TMEM163: variants seen among roughly 807,000 people sequenced by gnomAD.
The protein encoded by TMEM163 is transmembrane protein 163.
Under a neutral mutation model 29.3 loss-of-function variants are expected in TMEM163, and 17 were observed. That is an observed-to-expected ratio of 0.58 (90% CI 0.40 to 0.87). The LOEUF (loss-of-function observed/expected upper bound fraction) is 0.87, where lower values mean the gene tolerates loss of function less well. Ranked by LOEUF, TMEM163 falls within the 40% of genes least tolerant of loss-of-function variation. The pLI, the probability that TMEM163 is intolerant of heterozygous loss-of-function variation, is 0.00. For synonymous variants in TMEM163, 157 were observed against 160.6 expected (o/e 0.98, Z 0.17); for missense variants, 303 against 381.5 (o/e 0.79, Z 1.71).
rs558398002 is a variant in TMEM163, at chr2:134,517,765, T to C, written c.459-14768A>G. Reference sequence around the variant, plus strand: ...ATGGAGCAATGGGAATTCTGGCTTATTAAAGATTTTTATTTTAAATCAATA... The same window carrying C: ...ATGGAGCAATGGGAATTCTGGCTTACTAAAGATTTTTATTTTAAATCAATA... On this transcript the variant is annotated intron_variant, in intron 4 of 7. Coordinates refer to ENST00000281924, the MANE Select transcript of TMEM163 (RefSeq NM_030923.5). 4.0e-4 allele frequency among the ~76,000 whole-genome samples: 61 copies of C among 152,324 alleles called. 2 individuals are homozygous for C. In the South Asian group the frequency reaches 0.01, roughly 25 times the overall value.
chr2:134,716,095 G>A (rs1160882078), intron 1 of TMEM163, among the ~76,000 whole-genome samples: 1 of 152,188 alleles, frequency 6.6e-6, no homozygotes, highest in African/African-American at 2.4e-5. Context: ...GGGAAATTTT[G>A]TTAGATGGGG....
intron 1 of TMEM163, 37 bp downstream of exon 1, chr2:134,718,696 AC>A (rs1247322387): frequency 8.9e-7 from 1 of 1,127,468 alleles, no homozygotes; most frequent in Non-Finnish European, 1.1e-6. Flanking sequence ...CCGAGCAGCC[AC>A]CCCGGTCGCC....
At chr2:134,496,025 C>G (rs541143735) in intron 5 of TMEM163, among the ~76,000 whole-genome samples, 2 of 151,856 alleles carry the variant, frequency 1.3e-5, no homozygotes, top group African/African-American at 4.8e-5. Flanking sequence ...AGATCTATAA[C>G]GAAATTTGTT....
intron 2 of TMEM163, among the ~76,000 whole-genome samples, chr2:134,640,782 A>G (rs748232501): frequency 1.3e-5 from 2 of 152,160 alleles, no homozygotes; most frequent in Non-Finnish European, 2.9e-5. Flanking sequence ...TTTACCTACC[A>G]TGCACCTTCA....
chr2:134,638,784 G>A (rs901689536), intron 2 of TMEM163, among the ~76,000 whole-genome samples: 11 of 152,184 alleles, frequency 7.2e-5, no homozygotes, highest in Non-Finnish European at 1.2e-4. Flanking sequence ...AGGAGGACAC[G>A]GGTGCCAAAA....
intron 5 of TMEM163, among the ~76,000 whole-genome samples, chr2:134,478,804 A>G (rs557293374): frequency 6.6e-5 from 10 of 152,308 alleles, no homozygotes; most frequent in East Asian, 1.9e-4. Flanking sequence ...GAAAATGGGG[A>G]AAAAGGCCTT....
rs77163431 is a variant in TMEM163, at chr2:134,525,148, A to G, written c.459-22151T>C. Among the ~76,000 whole-genome samples, 590 of 152,286 alleles carry G rather than the reference A, an allele frequency of 3.9e-3. 7 individuals carry two copies. Among genetic ancestry groups the G allele is most frequent in the African/African-American group, 0.013 (556 of 41,552 alleles). ...CCCCAGGTGATTCCTGTGTGTAGTG[A>G]ACTATAAGAATCACCGTCTTCAAAA... On this transcript the variant is annotated intron_variant, in intron 4 of 7. Transcript: ENST00000281924.
intron 2 of TMEM163, among the ~76,000 whole-genome samples, chr2:134,616,940 A>G (rs2104822069): frequency 6.6e-6 from 1 of 152,376 alleles, no homozygotes; most frequent in Admixed American, 6.5e-5. Flanking sequence ...TACAAGAAAT[A>G]CCAAGGGAAG....
chr2:134,456,428 C>T lies in TMEM163; in HGVS notation c.*288G>A, dbSNP rs926421523. ...CCGAAGACCTTTCTGCCAAAGATCT[C>T]ATCCTACCCATGAGAACCATCATAC... On this transcript the variant is annotated 3_prime_UTR_variant, in exon 8 of 8. Coordinates refer to ENST00000281924, the MANE Select transcript of TMEM163 (RefSeq NM_030923.5). 1 of 438,456 alleles carries T rather than the reference C, an allele frequency of 2.3e-6. No homozygotes were observed. The highest frequency in any genetic ancestry group is 4.2e-6 in the Non-Finnish European group (1 of 236,940). The allele number at this position is 438,456 out of a possible 1,614,324, so 27.2% of individuals were successfully genotyped here.
At position 134,457,933 on chromosome 2, in the gene TMEM163, A is replaced by G. The variant is rs990563441; in HGVS notation, c.809+99T>C. ...CTCAGGAGGGGCACAGGTACAAAAT[A>G]TGACCTTCAGAAGCCTGTCATTTCC... On this transcript the variant is annotated intron_variant, in intron 7 of 7. Coordinates refer to ENST00000281924, the MANE Select transcript of TMEM163 (RefSeq NM_030923.5). 7 of 1,568,032 alleles carry G rather than the reference A, an allele frequency of 4.5e-6. No homozygotes were observed. The African/African-American group carries it at 5.4e-5, about 12-fold the overall frequency.
intron 4 of TMEM163, among the ~76,000 whole-genome samples, chr2:134,530,202 T>G (rs754431730): frequency 6.6e-5 from 10 of 152,178 alleles, no homozygotes; most frequent in Admixed American, 6.5e-5. Context: ...CATCTTTCAC[T>G]GTGGATGCCC....
intron 2 of TMEM163, among the ~76,000 whole-genome samples, chr2:134,692,000 T>A (rs1403437283): frequency 6.6e-6 from 1 of 152,152 alleles, no homozygotes; most frequent in East Asian, 1.9e-4. Context: ...GTGATGACCC[T>A]GAGTTATCCA....
At chr2:134,691,769 T>G (rs1167469021) in intron 2 of TMEM163, among the ~76,000 whole-genome samples, 1 of 152,194 alleles carries the variant, frequency 6.6e-6, no homozygotes, top group African/African-American at 2.4e-5. Flanking sequence ...CCAACTCCAA[T>G]GAACAGTCTC....
chr2:134,636,709 T>A (rs910319063), intron 2 of TMEM163, among the ~76,000 whole-genome samples: 3 of 152,254 alleles, frequency 2.0e-5, no homozygotes, highest in Non-Finnish European at 2.9e-5. Context: ...TTAGGAGTCA[T>A]GCAGCTGGAG....
At chr2:134,700,941 A>ATAAATAC (rs1553495683) in intron 2 of TMEM163, among the ~76,000 whole-genome samples, 2,482 of 146,398 alleles carry the variant, frequency 0.017, 112 homozygotes, top group East Asian at 0.15. Flanking sequence ...TAAATAAATA[A>ATAAATAC]ATAAATAAAG....
Position 134,598,852 on chromosome 2 carries a change from G to T in TMEM163, c.323-46761C>A, listed in dbSNP as rs183664409. 7.3e-4 allele frequency among the ~76,000 whole-genome samples: 111 copies of T among 151,710 alleles called. 1 individual carries two copies. Among genetic ancestry groups the T allele is most frequent in the Admixed American group, 2.3e-3 (35 of 15,240 alleles). The stretch of plus-strand genomic sequence containing the variant: ...GCATAATTGCTTGAACCTGGGAGGT[G>T]GGGGGTTGCAGTGAGCCTAGATAGT... On this transcript the variant is annotated intron_variant, in intron 2 of 7. Transcript: ENST00000281924.
At chr2:134,652,100 A>C (rs1683493511) in intron 2 of TMEM163, among the ~76,000 whole-genome samples, 1 of 140,334 alleles carries the variant, frequency 7.1e-6, no homozygotes, top group South Asian at 2.3e-4. Context: ...TGGTAGCTTT[A>C]TGGGAATGGC....
chr2:134,482,473 G>A (rs1173964671), intron 5 of TMEM163, among the ~76,000 whole-genome samples: 4 of 152,162 alleles, frequency 2.6e-5, no homozygotes, highest in Non-Finnish European at 5.9e-5. Flanking sequence ...CTGCAAAAAG[G>A]CGTCCTCTGC....
At chr2:134,538,656 C>T (rs1466232813) in intron 4 of TMEM163, among the ~76,000 whole-genome samples, 2 of 152,172 alleles carry the variant, frequency 1.3e-5, no homozygotes, top group South Asian at 2.1e-4. Context: ...CACCACACGC[C>T]ACAGTGAGGG....
Sources: allele counts gnomAD v4.1 joint callset (sites outside exome capture counted in the v4.1 genomes callset), GRCh38; gene constraint gnomAD v4.1.1; transcripts MANE v1.5; gene names NCBI Gene and HGNC (gene_info 2026-07-23, HGNC 2026-07-21).